Variants in HACD4 observed in about 807,000 individuals in gnomAD.
HACD4 encodes 3-hydroxyacyl-CoA dehydratase 4.
A neutral mutation model predicts 33.3 loss-of-function variants in HACD4; 35 were observed. The observed-to-expected ratio is 1.05, with a 90% CI of 0.80 to 1.39. The LOEUF (loss-of-function observed/expected upper bound fraction) is 1.39. Ranked by LOEUF, HACD4 falls within the 40% of genes most tolerant of loss-of-function variation. The pLI is 0.00. For synonymous variants in HACD4, 118 were observed against 98.0 expected (o/e 1.20, Z -1.21); for missense variants, 323 against 276.5 (o/e 1.17, Z -1.19).
intron 4 of HACD4, among the ~76,000 whole-genome samples, chr9:21,014,667 C>T (rs891546063): frequency 1.3e-5 from 2 of 151,988 alleles, no homozygotes; most frequent in Non-Finnish European, 2.9e-5. Context: ...TACTAAAACT[C>T]ACAAATTTTG....
At chr9:21,021,899 CA>C (rs1717867620) in intron 3 of HACD4, among the ~76,000 whole-genome samples, 1 of 151,962 alleles carries the variant, frequency 6.6e-6, no homozygotes, top group Non-Finnish European at 1.5e-5. Context: ...CATATGGAAC[CA>C]AAAAAGAGCC....
chr9:21,013,969 G>A (rs753733186), intron 4 of HACD4, among the ~76,000 whole-genome samples: 5 of 152,100 alleles, frequency 3.3e-5, no homozygotes, highest in African/African-American at 4.8e-5. Context: ...CTTCCAGTAC[G>A]ATGATGAATA....
rs1287947389 is a variant in HACD4, at chr9:21,003,934, CATT to C, written c.*3100_*3102del. The C allele has an allele frequency of 3.3e-5, 5 of 152,086 alleles. No individual in the cohort carries two copies. The highest frequency in any genetic ancestry group is 4.8e-5 in the African/African-American group (2 of 41,402). The allele number at this position is 152,086 out of a possible 1,614,324, so 9.4% of individuals were successfully genotyped here. ...CTTTTATCTTCCTGTATGTGTGTGT[CATT>C]ATTTTTAAAATTAAAAAGAATACAG... On this transcript the variant is annotated 3_prime_UTR_variant, in exon 7 of 7. Transcript: ENST00000495827.
chr9:21,005,259 A>T lies in HACD4; in HGVS notation c.*1778T>A, dbSNP rs1465767992. The T allele has an allele frequency of 6.6e-6, 1 of 152,208 alleles. No individual in the cohort carries two copies. Among genetic ancestry groups the T allele is most frequent in the Non-Finnish European group, 1.5e-5 (1 of 68,036 alleles). 9.4% of individuals were successfully genotyped at this position (152,208 alleles called of 1,614,324 possible). A position where few individuals can be genotyped will look rare whatever the true frequency, so the allele number is the denominator to read the frequency against. Reference sequence around the variant, plus strand: ...CGGTTTATCTTGACTGCTTAAAGTAAAATGTGACAAAAAATGAAGACAGAA... The same window carrying T: ...CGGTTTATCTTGACTGCTTAAAGTATAATGTGACAAAAAATGAAGACAGAA... On this transcript the variant is annotated 3_prime_UTR_variant, in exon 7 of 7. Coordinates refer to ENST00000495827, the MANE Select transcript of HACD4 (RefSeq NM_001010915.5). This position sits in a 1 kb window ranked among gnomAD's most constrained non-coding sequence, Gnocchi z 4.0.
chr9:21,010,224 A>G (rs1464299710), intron 5 of HACD4, among the ~76,000 whole-genome samples: 1 of 152,168 alleles, frequency 6.6e-6, no homozygotes, highest in African/African-American at 2.4e-5. Context: ...GTCTTACAGA[A>G]TGCTCCTTAC....
rs200030687 is a variant in HACD4, at chr9:21,030,457, AAT to A, written c.39-1061_39-1060del. ...ACTCTGTTCTCAAAAATAAATAAAA[AAT>A]AAAAAACAAAACAACAACAACAACA... On this transcript the variant is annotated intron_variant, in intron 1 of 6. Transcript: ENST00000495827. Among the ~76,000 whole-genome samples the A allele has an allele frequency of 5.7e-3, 848 of 149,400 alleles. 7 individuals are homozygous for A. Among genetic ancestry groups the A allele is most frequent in the African/African-American group, 0.021 (801 of 38,890 alleles).
chr9:21,005,573 CAAGAA>C lies in HACD4; in HGVS notation c.*1459_*1463del, dbSNP rs1249012049. 1 of 152,190 alleles carries C rather than the reference CAAGAA, an allele frequency of 6.6e-6. No individual in the cohort carries two copies. The highest frequency in any genetic ancestry group is 1.5e-5 in the Non-Finnish European group (1 of 68,056). 9.4% of individuals were successfully genotyped at this position (152,190 alleles called of 1,614,324 possible). On this transcript the variant is annotated 3_prime_UTR_variant, in exon 7 of 7. Coordinates refer to ENST00000495827, the MANE Select transcript of HACD4 (RefSeq NM_001010915.5). The surrounding 1 kb of genome is among the most constrained non-coding windows in gnomAD (Gnocchi z 4.0). ...TCAGCTGTGAATGTACACTATTCTT[CAAGAA>C]AAGGAGAAACTGACCCGGAACAATG...
At chr9:21,031,391 A>G (rs1818214458) in intron 1 of HACD4, 162 bp downstream of exon 1, 1 of 922,892 alleles carries the variant, frequency 1.1e-6, no homozygotes. Flanking sequence ...GGGGTAAGTT[A>G]GCAAATACCT....
At chr9:21,016,214 T>A (rs534503180) in intron 3 of HACD4, among the ~76,000 whole-genome samples, 1 of 152,194 alleles carries the variant, frequency 6.6e-6, no homozygotes, top group Admixed American at 6.5e-5. Context: ...ACAAATAATA[T>A]ATAATGAATG....
intron 4 of HACD4, among the ~76,000 whole-genome samples, chr9:21,012,042 G>GATATTT (rs1842450153): frequency 6.6e-6 from 1 of 152,130 alleles, no homozygotes; most frequent in South Asian, 2.1e-4. Flanking sequence ...TTTAATGACA[G>GATATTT]ACATACTTGT....
At chr9:21,008,452 G>C (rs922008710) in intron 5 of HACD4, among the ~76,000 whole-genome samples, 1 of 152,116 alleles carries the variant, frequency 6.6e-6, no homozygotes, top group African/African-American at 2.4e-5. Context: ...GCCACAAATA[G>C]GGGTGATAGA....
At chr9:21,020,525 A>G (rs955766236) in intron 3 of HACD4, among the ~76,000 whole-genome samples, 1 of 152,206 alleles carries the variant, frequency 6.6e-6, no homozygotes, top group Non-Finnish European at 1.5e-5. Context: ...TCTGTACTAT[A>G]AAAGTCAAGT....
chr9:21,008,118 A>T lies in HACD4; in HGVS notation c.519T>A (p.Tyr173Ter). Reference sequence around the variant, plus strand: ...TGGAATAAGTGCCAAATGATTCAAAATAAGGCAGCGATTGATAGATGGCAA... The same window carrying T: ...TGGAATAAGTGCCAAATGATTCAAATTAAGGCAGCGATTGATAGATGGCAA... Reference protein sequence around the residue: ...EAFAIYQSLPYFESFGTYSTK... With the variant: ...EAFAIYQSLP Residue 173 changes from tyrosine (Y) to a stop codon, truncating the protein, a stop_gained, in exon 6 of 7, where the codon TAT becomes TAA. Coordinates refer to ENST00000495827, the MANE Select transcript of HACD4 (RefSeq NM_001010915.5). LOFTEE classifies it high-confidence loss of function. 3 of 1,609,582 alleles carry T rather than the reference A, an allele frequency of 1.9e-6. No individual in the cohort carries two copies. The highest frequency in any genetic ancestry group is 2.5e-6 in the Non-Finnish European group (3 of 1,178,074).
chr9:21,020,337 G>A (rs916931458), intron 3 of HACD4, among the ~76,000 whole-genome samples: 2 of 152,054 alleles, frequency 1.3e-5, no homozygotes, highest in East Asian at 3.9e-4. Context: ...TCTATTAAGG[G>A]TTTCCTATAG....
intron 3 of HACD4, among the ~76,000 whole-genome samples, chr9:21,020,984 C>T (rs1817894044): frequency 6.6e-6 from 1 of 151,834 alleles, no homozygotes; most frequent in Admixed American, 6.6e-5. Flanking sequence ...TTTAAAAATG[C>T]ACAGGGCAAA....
Position 21,015,954 on chromosome 9 carries a change from T to G in HACD4, c.327A>C (p.Gln109His). 2 of 1,613,502 alleles carry G rather than the reference T, an allele frequency of 1.2e-6. No homozygotes were observed. Among genetic ancestry groups the G allele is most frequent in the African/African-American group, 2.7e-5 (2 of 75,028 alleles). ...ATAAAACACACACCACATATTTCTC[T>G]TGGACTTCCTCTTGACTGGTGATCA... Reference protein sequence around the residue: ...FVVITSQEEVQEKYVVCVLFV... With the variant: ...FVVITSQEEVHEKYVVCVLFV... The change falls in exon 4 of 7, where the codon CAA becomes CAC. Residue 109 changes from glutamine to histidine, a missense_variant. Coordinates refer to ENST00000495827, the MANE Select transcript of HACD4 (RefSeq NM_001010915.5).
At chr9:21,010,832 A>T (rs1842404558) in intron 5 of HACD4, among the ~76,000 whole-genome samples, 2 of 152,082 alleles carry the variant, frequency 1.3e-5, no homozygotes, top group African/African-American at 4.8e-5. Flanking sequence ...AGATTCTCAT[A>T]AGGAGCACAC....
intron 3 of HACD4, among the ~76,000 whole-genome samples, chr9:21,021,803 C>T (rs184098852): frequency 6.6e-6 from 1 of 152,212 alleles, no homozygotes; most frequent in East Asian, 1.9e-4. Flanking sequence ...GGCCATACTG[C>T]CCAAGGTAAT....
chr9:21,028,505 C>A (rs935011601), intron 2 of HACD4, among the ~76,000 whole-genome samples: 2 of 152,132 alleles, frequency 1.3e-5, no homozygotes, highest in African/African-American at 4.8e-5. Flanking sequence ...CTTATGGGAC[C>A]CTGCAAGTAG....
Sources: allele counts gnomAD v4.1 joint callset (sites outside exome capture counted in the v4.1 genomes callset), GRCh38; gene constraint gnomAD v4.1.1; non-coding constraint Gnocchi (gnomAD v3.1); transcripts MANE v1.5; gene names NCBI Gene and HGNC (gene_info 2026-07-23, HGNC 2026-07-21).